Variants in RALY observed in about 807,000 individuals in gnomAD.
RALY encodes the protein RALY heterogeneous nuclear ribonucleoprotein.
RALY carries 15 observed loss-of-function variants against 30.7 expected under a neutral mutation model. The observed-to-expected ratio is 0.49, with a 90% confidence interval of 0.33 to 0.75. The LOEUF (loss-of-function observed/expected upper bound fraction) is 0.75, where lower values mean the gene tolerates loss of function less well. RALY is among the 30% of genes least tolerant of loss of function. The pLI is 0.02. For missense variants in RALY, 339 were observed against 414.3 expected (o/e 0.82, Z 1.58); for synonymous variants, 177 against 170.8 (o/e 1.04, Z -0.28).
chr20:34,074,213 C>T lies in RALY; in HGVS notation c.377+347C>T, dbSNP rs566199400. ...TGGTTGCAGGGAGTTTGAGCCCTTC[C>T]CTCTGTGAGGTGCCCAAGCAGCTGG... On this transcript the variant is annotated intron_variant, in intron 5 of 9. Coordinates refer to ENST00000246194, the MANE Select transcript of RALY (RefSeq NM_016732.3). Among the ~76,000 whole-genome samples the T allele has an allele frequency of 8.3e-4, 126 of 152,288 alleles. 1 individual carries two copies. The highest frequency in any genetic ancestry group is 2.7e-3 in the African/African-American group (113 of 41,560).
At chr20:34,052,941 A>G (rs1329171696) in intron 2 of RALY, among the ~76,000 whole-genome samples, 5 of 152,192 alleles carry the variant, frequency 3.3e-5, no homozygotes, top group South Asian at 2.1e-4. Flanking sequence ...CTGGATTTCT[A>G]TCCAGACAGT....
At chr20:34,009,716 A>T (rs2031318393) in intron 1 of RALY, among the ~76,000 whole-genome samples, 1 of 151,926 alleles carries the variant, frequency 6.6e-6, no homozygotes, top group Admixed American at 6.6e-5. Flanking sequence ...ACTTTTTTCC[A>T]CATTCTGCTT....
At chr20:34,069,922 C>T (rs1047387095) in intron 2 of RALY, among the ~76,000 whole-genome samples, 3 of 152,184 alleles carry the variant, frequency 2.0e-5, no homozygotes, top group Non-Finnish European at 4.4e-5. Flanking sequence ...GCACTGCTGA[C>T]TCTAGTATAT....
At chr20:34,076,848 G>A (rs1256464967) in intron 7 of RALY, 33 bp downstream of exon 7, 1 of 1,608,916 alleles carries the variant, frequency 6.2e-7, no homozygotes, top group South Asian at 1.1e-5. Context: ...CCACCTCCAT[G>A]ACCAGGGCAC....
chr20:34,053,982 G>A (rs1432046728), intron 2 of RALY, among the ~76,000 whole-genome samples: 1 of 152,164 alleles, frequency 6.6e-6, no homozygotes, highest in Admixed American at 6.5e-5. Context: ...TCAAGCTTTT[G>A]TTGCCTTTGC....
intron 1 of RALY, among the ~76,000 whole-genome samples, chr20:34,014,720 C>T (rs539423713): frequency 5.1e-4 from 77 of 152,094 alleles, no homozygotes; most frequent in Admixed American, 1.0e-3. Context: ...AATACTTTGA[C>T]CTTTGAGAAG....
intron 1 of RALY, among the ~76,000 whole-genome samples, chr20:34,005,836 T>C (rs529724485): frequency 6.6e-6 from 1 of 152,238 alleles, no homozygotes; most frequent in African/African-American, 2.4e-5. Context: ...GTCATACAGT[T>C]GGAATCATAC....
At chr20:34,019,596 A>G (rs1312709582) in intron 1 of RALY, among the ~76,000 whole-genome samples, 1 of 152,222 alleles carries the variant, frequency 6.6e-6, no homozygotes, top group Non-Finnish European at 1.5e-5. Context: ...AAGCCTGTTC[A>G]GTAGGCAGAC....
At chr20:34,079,839 A>G (rs4911402) in intron 9 of RALY, 71 bp from the exon 10 acceptor site, 79,906 of 152,174 alleles carry the variant, frequency 0.53, 23,137 homozygotes, top group South Asian at 0.75. Context: ...TTTCTTCCCT[A>G]CCCCTTTTAT....
chr20:34,039,609 CTAGAGT>C (rs1324833592), intron 2 of RALY, among the ~76,000 whole-genome samples: 1 of 152,118 alleles, frequency 6.6e-6, no homozygotes, highest in Non-Finnish European at 1.5e-5. Context: ...TTGTCTAGCC[CTAGAGT>C]ATTTAGAATG....
chr20:34,010,031 T>A (rs1183547609), intron 1 of RALY, among the ~76,000 whole-genome samples: 1 of 152,206 alleles, frequency 6.6e-6, no homozygotes, highest in Non-Finnish European at 1.5e-5. Context: ...CCTTATTGGC[T>A]GATAAATCTG....
intron 1 of RALY, among the ~76,000 whole-genome samples, chr20:34,020,907 A>G (rs1409169993): frequency 6.6e-6 from 1 of 152,206 alleles, no homozygotes. Context: ...CCTACCGCTC[A>G]AAACTATAAA....
At chr20:34,062,915 A>T (rs909838786) in intron 2 of RALY, among the ~76,000 whole-genome samples, 2 of 152,190 alleles carry the variant, frequency 1.3e-5, no homozygotes, top group African/African-American at 4.8e-5. Flanking sequence ...TGGCTCTTGG[A>T]CTTGAGAGTA....
chr20:34,076,689 C>T lies in RALY; in HGVS notation c.545-13C>T, dbSNP rs753197185. The T allele has an allele frequency of 6.2e-7, 1 of 1,612,268 alleles. No homozygotes were observed. The highest frequency in any genetic ancestry group is 1.7e-4 in the Middle Eastern group (1 of 6,052). ...CCCCCTAGGTGACAGCCCTGTCCCC[C>T]CTCCACTCCCAGTAAAGAGCAGTGA... On this transcript the variant is annotated splice_polypyrimidine_tract_variant and intron_variant, in intron 6 of 9. Transcript: ENST00000246194.
chr20:34,078,212 C>T (rs1017291577), intron 8 of RALY, among the ~76,000 whole-genome samples: 1 of 152,252 alleles, frequency 6.6e-6, no homozygotes, highest in African/African-American at 2.4e-5. Context: ...GCTCACCAGT[C>T]TATAAGGCTT....
intron 1 of RALY, among the ~76,000 whole-genome samples, chr20:34,029,485 G>T (rs2032185209): frequency 8.5e-6 from 1 of 117,664 alleles, no homozygotes; most frequent in Non-Finnish European, 1.8e-5. Context: ...GGAAAGGGAG[G>T]GAGGGAGGGA....
chr20:34,040,900 C>G (rs2032675138), intron 2 of RALY, among the ~76,000 whole-genome samples: 1 of 152,132 alleles, frequency 6.6e-6, no homozygotes, highest in African/African-American at 2.4e-5. Context: ...TGTCCTCTGG[C>G]CACGGCCCTT....
intron 1 of RALY, among the ~76,000 whole-genome samples, chr20:34,030,780 T>G (rs2032236770): frequency 6.6e-6 from 1 of 152,164 alleles, no homozygotes; most frequent in Non-Finnish European, 1.5e-5. Flanking sequence ...CTAGCTATAT[T>G]ATTAGTCTTC....
At chr20:34,054,718 TG>T (rs926859670) in intron 2 of RALY, among the ~76,000 whole-genome samples, 2 of 150,894 alleles carry the variant, frequency 1.3e-5, no homozygotes, top group African/African-American at 4.9e-5. Flanking sequence ...CCCAGCTACT[TG>T]GGGGGCTGAG....
Sources: allele counts gnomAD v4.1 joint callset (sites outside exome capture counted in the v4.1 genomes callset), GRCh38; gene constraint gnomAD v4.1.1; transcripts MANE v1.5; gene names NCBI Gene and HGNC (gene_info 2026-07-23, HGNC 2026-07-21).